HTR4: variants seen among roughly 807,000 people sequenced by gnomAD.
HTR4 encodes the protein 5-hydroxytryptamine receptor 4.
Under a neutral mutation model 36.8 loss-of-function variants are expected in HTR4, and 16 were observed. The observed-to-expected ratio is 0.43, with a 90% confidence interval of 0.29 to 0.66. HTR4 has a LOEUF of 0.66. Among genes scored for constraint, HTR4 ranks in the 30% least tolerant of loss-of-function variants. The pLI is 0.13. For synonymous variants in HTR4, 189 were observed against 185.1 expected, an observed-to-expected ratio of 1.02 and a Z score of -0.17; for missense variants, 438 against 490.9, an observed-to-expected ratio of 0.89 and a Z score of 1.02.
At chr5:148,623,866 A>T (rs1752996777) in intron 2 of HTR4, among the ~76,000 whole-genome samples, 1 of 152,234 alleles carries the variant, frequency 6.6e-6, no homozygotes. Flanking sequence ...GATGAGAAAG[A>T]ATTCCTAGAG....
At chr5:148,599,668 G>A (rs1425060252) in intron 2 of HTR4, among the ~76,000 whole-genome samples, 1 of 151,380 alleles carries the variant, frequency 6.6e-6, no homozygotes. Flanking sequence ...GAAAAACATG[G>A]GAATGCAAAC....
intron 2 of HTR4, among the ~76,000 whole-genome samples, chr5:148,633,844 A>G (rs1452949635): frequency 6.6e-6 from 1 of 152,102 alleles, no homozygotes; most frequent in Non-Finnish European, 1.5e-5. Flanking sequence ...TGGAACTCCC[A>G]AAGTTCTTTT....
Position 148,509,866 on chromosome 5 carries a change from A to G in HTR4, c.666T>C (p.His222=), listed in dbSNP as rs966161682. 6.2e-7 allele frequency: 1 copy of G among 1,614,042 alleles called. No homozygotes were observed. The highest frequency in any genetic ancestry group is 1.3e-5 in the African/African-American group (1 of 75,028). ...YYRIYVTAKE[H]AHQIQMLQRA... ...GTTGTAACATCTGGATCTGATGGGC[A>G]TGCTCCTTAGCTGTGACATAGATGC... The change falls in exon 6 of 7, where the codon CAT becomes CAC. Residue 222 remains histidine, a synonymous_variant. Coordinates refer to ENST00000377888, the MANE Select transcript of HTR4 (RefSeq NM_000870.7).
chr5:148,481,876 G>A lies in HTR4; in HGVS notation c.*1327C>T. On this transcript the variant is annotated 3_prime_UTR_variant, in exon 7 of 7. Transcript: ENST00000377888. The stretch of plus-strand genomic sequence containing the variant: ...TGAAGGACAAAGCTGGAAAGGTCAG[G>A]GGTCTAAAAGGCCCAAATGAGGAGG... 8.2e-7 allele frequency: 1 copy of A among 1,215,746 alleles called. No individual in the cohort carries two copies. Among genetic ancestry groups the A allele is most frequent in the South Asian group, 3.2e-5 (1 of 31,378 alleles). 75.3% of individuals were successfully genotyped at this position (1,215,746 alleles called of 1,614,324 possible).
chr5:148,466,013 A>G lies in HTR4; in HGVS notation c.1077-14741T>C. ...AAAAGAAAAAAAAAACATAGAGATT[A>G]GTAGACACATGATCTCAGCCTAAAT... On this transcript the variant is annotated intron_variant, in intron 5 of 5. Transcript: ENST00000521530. The G allele has an allele frequency of 1.3e-6, 2 of 1,568,292 alleles. 1 individual carries two copies. The highest frequency in any genetic ancestry group is 4.1e-5 in the Admixed American group (2 of 49,296).
intron 5 of HTR4, among the ~76,000 whole-genome samples, chr5:148,511,764 C>T (rs1179626709): frequency 6.6e-6 from 1 of 152,018 alleles, no homozygotes; most frequent in East Asian, 1.9e-4. Context: ...TTTATATTTC[C>T]ACCACGAGAG....
chr5:148,509,411 G>T, intron 6 of HTR4, 45 bp downstream of exon 6: 1 of 1,430,084 alleles, frequency 7.0e-7, no homozygotes, highest in Non-Finnish European at 9.6e-7. Context: ...CCCCTTCTGA[G>T]TAATACAAAT....
At chr5:148,594,639 C>T (rs1406194404) in intron 2 of HTR4, among the ~76,000 whole-genome samples, 1 of 152,006 alleles carries the variant, frequency 6.6e-6, no homozygotes, top group Non-Finnish European at 1.5e-5. Context: ...CTCCTATCTA[C>T]CCGCAACACC....
intron 1 of HTR4, among the ~76,000 whole-genome samples, chr5:148,638,063 C>A (rs1753608922): frequency 6.6e-6 from 1 of 152,170 alleles, no homozygotes; most frequent in African/African-American, 2.4e-5. Context: ...ATAAAAGAAC[C>A]ATGAAACTCA....
chr5:148,523,498 G>T, intron 4 of HTR4, 152 bp from the exon 5 acceptor site: 1 of 509,702 alleles, frequency 2.0e-6, no homozygotes, highest in Non-Finnish European at 3.3e-6. Context: ...CGGAGGGGAA[G>T]CAGAGAATAA....
At chr5:148,652,906 T>G (rs560093144) in intron 1 of HTR4, among the ~76,000 whole-genome samples, 1 of 152,316 alleles carries the variant, frequency 6.6e-6, no homozygotes, top group African/African-American at 2.4e-5. Context: ...GACACTTGTA[T>G]ATTTCCTAGG....
At chr5:148,607,268 G>A (rs1001153475) in intron 2 of HTR4, among the ~76,000 whole-genome samples, 1 of 152,128 alleles carries the variant, frequency 6.6e-6, no homozygotes, top group African/African-American at 2.4e-5. Context: ...CACAGCACAA[G>A]TACTGCTTAG....
At chr5:148,544,120 C>T (rs1165838878) in intron 4 of HTR4, among the ~76,000 whole-genome samples, 1 of 152,074 alleles carries the variant, frequency 6.6e-6, no homozygotes, top group Non-Finnish European at 1.5e-5. Context: ...AAACTGAAGG[C>T]CCCCAACCCC....
intron 6 of HTR4, among the ~76,000 whole-genome samples, chr5:148,499,377 G>A (rs1756832246): frequency 6.6e-6 from 1 of 152,106 alleles, no homozygotes; most frequent in Non-Finnish European, 1.5e-5. Flanking sequence ...CTTGGGTGAG[G>A]AAAATGAAGG....
At chr5:148,500,839 T>A (rs150551064) in intron 6 of HTR4, among the ~76,000 whole-genome samples, 2 of 152,268 alleles carry the variant, frequency 1.3e-5, no homozygotes, top group East Asian at 3.9e-4. Context: ...ATTTTTTAAT[T>A]AAGAAAATAT....
chr5:148,639,852 C>T (rs1370252878), intron 1 of HTR4, among the ~76,000 whole-genome samples: 2 of 151,924 alleles, frequency 1.3e-5, no homozygotes, highest in African/African-American at 4.8e-5. Flanking sequence ...GAGTTTTTGA[C>T]TTTCACACTG....
intron 1 of HTR4, among the ~76,000 whole-genome samples, chr5:148,637,588 C>T (rs1335730499): frequency 2.0e-5 from 3 of 152,100 alleles, no homozygotes; most frequent in Non-Finnish European, 4.4e-5. Flanking sequence ...TCCAGAGAGT[C>T]CATGATTCCT....
downstream of HTR4, among the ~76,000 whole-genome samples, chr5:148,479,354 GGAGGTTACC>G (rs1190926600): frequency 6.6e-6 from 1 of 152,036 alleles, no homozygotes; most frequent in East Asian, 1.9e-4. Context: ...CTGGGATCTT[GGAGGTTACC>G]GAGAAGCTCC....
chr5:148,458,118 T>G (rs1209123553), intron 5 of HTR4, among the ~76,000 whole-genome samples: 1 of 53,286 alleles, frequency 1.9e-5, no homozygotes, highest in East Asian at 2.9e-4. Flanking sequence ...TAAATAGATC[T>G]TAAAATATAA....
Sources: allele counts gnomAD v4.1 joint callset (sites outside exome capture counted in the v4.1 genomes callset), GRCh38; gene constraint gnomAD v4.1.1; transcripts MANE v1.5; gene names NCBI Gene and HGNC (gene_info 2026-07-23, HGNC 2026-07-21).